SCUBE1: variants seen among roughly 807,000 people sequenced by gnomAD.
SCUBE1 encodes the protein signal peptide, CUB and EGF-like domain-containing protein 1.
A neutral mutation model predicts 124.4 loss-of-function variants in SCUBE1; 59 were observed. The ratio of observed to expected loss-of-function variants is 0.47; its 90% CI spans 0.38 to 0.59. The LOEUF (loss-of-function observed/expected upper bound fraction) is 0.59. Ranked by LOEUF, SCUBE1 falls within the 20% of genes least tolerant of loss-of-function variation. The probability of loss-of-function intolerance (pLI) is 0.00; values close to 1 mark genes in which losing one functional copy is unlikely to be tolerated. For missense variants in SCUBE1, 1,150 were observed against 1,371.2 expected (o/e 0.84, Z 2.55); for synonymous variants, 545 against 550.9 (o/e 0.99, Z 0.15).
At position 43,320,009 on chromosome 22, in the gene SCUBE1, T is replaced by C; in HGVS notation, c.277A>G (p.Asn93Asp). 6.2e-7 allele frequency: 1 copy of C among 1,614,166 alleles called. No individual in the cohort carries two copies. Among genetic ancestry groups the C allele is most frequent in the Non-Finnish European group, 8.5e-7 (1 of 1,180,016 alleles). ...YNGGCVHECINIPGNYRCTCF... is the reference protein window; with the variant it reads ...YNGGCVHECIDIPGNYRCTCF... ...GTACACCTGTAGTTCCCCGGGATGT[T>C]GATGCACTCGTGGACACAGCCCCCA... The change falls in exon 3 of 22, where the codon AAC (asparagine) becomes GAC (aspartate). Residue 93 changes from asparagine (N) to aspartate (D), a missense_variant. By Grantham distance (23) the Asn-to-Asp change is conservative. This residue lies in a region of SCUBE1 where 337 missense variants were observed against 482.1 expected (regional missense o/e 0.70). Coordinates refer to ENST00000360835, the MANE Select transcript of SCUBE1 (RefSeq NM_173050.5).
chr22:43,251,487 T>C (rs962655208), intron 6 of SCUBE1, among the ~76,000 whole-genome samples: 5 of 152,148 alleles, frequency 3.3e-5, no homozygotes, highest in African/African-American at 9.7e-5. Context: ...TATCCTGGAT[T>C]ATCTGGAGGG....
At chr22:43,288,036 T>C (rs1925212299) in intron 4 of SCUBE1, among the ~76,000 whole-genome samples, 1 of 152,208 alleles carries the variant, frequency 6.6e-6, no homozygotes, top group African/African-American at 2.4e-5. Flanking sequence ...CACCTTGTCG[T>C]TCGAGAGCAA....
chr22:43,218,293 G>T lies in SCUBE1; in HGVS notation c.1853C>A (p.Ala618Glu). The T allele has an allele frequency of 6.2e-7, 1 of 1,613,110 alleles. No homozygotes were observed. The highest frequency in any genetic ancestry group is 8.5e-7 in the Non-Finnish European group (1 of 1,179,998). The part of the protein sequence containing the change: ...RPAKALEGQG[A>E]CGAGQVLQDS... ...CTGTAGCACCTGGCCTGCGCCACAT[G>T]CCCCCTGCCCCTCCAGCGCCTTGGC... The change falls in exon 15 of 22, where the codon GCA becomes GAA. Residue 618 changes from alanine (A) to glutamate (E), a missense_variant. By Grantham distance (107) the Ala-to-Glu change is moderately radical. Coordinates refer to ENST00000360835, the MANE Select transcript of SCUBE1 (RefSeq NM_173050.5).
At chr22:43,288,971 G>T (rs1925253238) in intron 4 of SCUBE1, among the ~76,000 whole-genome samples, 1 of 152,242 alleles carries the variant, frequency 6.6e-6, no homozygotes, top group South Asian at 2.1e-4. Context: ...CACAGCAGAT[G>T]CTTACAGGCC....
chr22:43,309,726 T>G (rs1926103791), intron 3 of SCUBE1, among the ~76,000 whole-genome samples: 1 of 151,698 alleles, frequency 6.6e-6, no homozygotes, highest in African/African-American at 2.4e-5. Flanking sequence ...CAGTCTGTCC[T>G]CCCCCTAGCC....
intron 6 of SCUBE1, among the ~76,000 whole-genome samples, chr22:43,246,467 C>T (rs932474489): frequency 3.9e-5 from 6 of 152,214 alleles, no homozygotes; most frequent in African/African-American, 1.4e-4. Flanking sequence ...ATCTGATCAA[C>T]AGCAGCTCAC....
chr22:43,296,691 C>T (rs1407842059), intron 3 of SCUBE1, among the ~76,000 whole-genome samples: 1 of 152,224 alleles, frequency 6.6e-6, no homozygotes, highest in Non-Finnish European at 1.5e-5. Flanking sequence ...AGGCACTGGT[C>T]CACAGCCTCT....
intron 2 of SCUBE1, among the ~76,000 whole-genome samples, chr22:43,335,415 A>G (rs907515585): frequency 5.9e-5 from 9 of 152,230 alleles, no homozygotes; most frequent in Non-Finnish European, 1.3e-4. Flanking sequence ...ACAGGCCTCC[A>G]GAATCCATGC....
At chr22:43,267,421 A>C (rs2146717747) in intron 4 of SCUBE1, among the ~76,000 whole-genome samples, 1 of 152,372 alleles carries the variant, frequency 6.6e-6, no homozygotes, top group Admixed American at 6.5e-5. Flanking sequence ...AGGCAAGGCT[A>C]GAATTTTGAA....
At position 43,255,604 on chromosome 22, in the gene SCUBE1, G is replaced by A. The variant is rs928898445; in HGVS notation, c.727+2615C>T. On this transcript the variant is annotated intron_variant, in intron 6 of 21. Transcript: ENST00000360835. The surrounding 1 kb of genome is among the most constrained non-coding windows in gnomAD (Gnocchi z 4.7). The stretch of plus-strand genomic sequence containing the variant: ...TAAAACACAAGTAAGGGACAAACAC[G>A]GAGCCAGTGGTTAATGACAGCCCAC... 10 of 1,537,700 alleles carry A rather than the reference G, an allele frequency of 6.5e-6. No homozygotes were observed. The highest frequency in any genetic ancestry group is 2.4e-5 in the East Asian group (1 of 40,840).
At chr22:43,261,423 A>C (rs558121522) in intron 5 of SCUBE1, among the ~76,000 whole-genome samples, 1 of 152,294 alleles carries the variant, frequency 6.6e-6, no homozygotes, top group South Asian at 2.1e-4. Context: ...AGAAGGAAGC[A>C]CCTTCACTTT....
chr22:43,253,474 T>C (rs1400698051), intron 6 of SCUBE1, among the ~76,000 whole-genome samples: 1 of 152,118 alleles, frequency 6.6e-6, no homozygotes, highest in Non-Finnish European at 1.5e-5. Context: ...GGACAAGCTC[T>C]AAGGGGTGGT....
At chr22:43,308,092 C>T (rs756125700) in intron 3 of SCUBE1, among the ~76,000 whole-genome samples, 1 of 152,170 alleles carries the variant, frequency 6.6e-6, no homozygotes, top group Non-Finnish European at 1.5e-5. Flanking sequence ...TGCCTCCCTA[C>T]ACCCCACTCG....
In SCUBE1 at chr22:43,210,088, G is replaced by A. The variant is rs975092100; in HGVS notation, c.2536C>T (p.Pro846Ser). 1 of 1,612,622 alleles carries A rather than the reference G, an allele frequency of 6.2e-7. No homozygotes were observed. Among genetic ancestry groups the A allele is most frequent in the African/African-American group, 1.3e-5 (1 of 74,916 alleles). ...ILIVVPEIFLPIEDECGDVLV... is the reference protein window; with the variant it reads ...ILIVVPEIFLSIEDECGDVLV... ...ACATCGCCGCACTCATCCTCGATGG[G>A]CAGGAAGATCTCAGGGACCACGATG... Residue 846 changes from proline (P) to serine (S), a missense_variant, in exon 19 of 22, where the codon CCC (proline) becomes TCC (serine). Physicochemically the swap from Pro to Ser is moderately conservative, Grantham distance 74. This residue lies in a region of SCUBE1 where 757 missense variants were observed against 840.9 expected (regional missense o/e 0.90). Transcript: ENST00000360835. The surrounding 1 kb of genome is among the most constrained non-coding windows in gnomAD (Gnocchi z 4.5).
intron 2 of SCUBE1, among the ~76,000 whole-genome samples, chr22:43,326,824 C>G (rs537948590): frequency 5.3e-5 from 8 of 152,206 alleles, no homozygotes; most frequent in African/African-American, 1.9e-4. Flanking sequence ...GCTGTTCCCT[C>G]TGCCTGGAGC....
chr22:43,245,079 G>A lies in SCUBE1; in HGVS notation c.728-6125C>T, dbSNP rs540842597. Reference sequence around the variant, plus strand: ...ATCGCTTTGGGATAAAAGCCACGCCGTGCTCCCTGGCAAGCCCCTGACACA... The same window carrying A: ...ATCGCTTTGGGATAAAAGCCACGCCATGCTCCCTGGCAAGCCCCTGACACA... On this transcript the variant is annotated intron_variant, in intron 6 of 21. Coordinates refer to ENST00000360835, the MANE Select transcript of SCUBE1 (RefSeq NM_173050.5). Among the ~76,000 whole-genome samples the A allele has an allele frequency of 1.8e-4, 27 of 152,354 alleles. No homozygotes were observed. In the South Asian group the frequency reaches 1.9e-3, roughly 11 times the overall value.
chr22:43,278,577 C>G (rs1222471162), intron 4 of SCUBE1, among the ~76,000 whole-genome samples: 1 of 152,188 alleles, frequency 6.6e-6, no homozygotes, highest in Non-Finnish European at 1.5e-5. Context: ...AACCTGACAG[C>G]TAGGCACACT....
chr22:43,329,567 T>C (rs1569033585), intron 2 of SCUBE1, among the ~76,000 whole-genome samples: 1 of 152,208 alleles, frequency 6.6e-6, no homozygotes, highest in Non-Finnish European at 1.5e-5. Context: ...ACATGGGGGT[T>C]CCTGGAGAGA....
chr22:43,299,802 C>T (rs189788289), intron 3 of SCUBE1, among the ~76,000 whole-genome samples: 13 of 152,336 alleles, frequency 8.5e-5, no homozygotes, highest in African/African-American at 2.6e-4. Flanking sequence ...CCTACCCCTT[C>T]GCCCCTGGAA....
Sources: allele counts gnomAD v4.1 joint callset (sites outside exome capture counted in the v4.1 genomes callset), GRCh38; gene constraint gnomAD v4.1.1; regional missense constraint gnomAD v4.1.1; non-coding constraint Gnocchi (gnomAD v3.1); transcripts MANE v1.5; gene names NCBI Gene and HGNC (gene_info 2026-07-23, HGNC 2026-07-21).